Variants in CYP2A13 observed in about 807,000 individuals in gnomAD.
The protein encoded by CYP2A13 is cytochrome P450 2A13.
CYP2A13 carries 30 observed loss-of-function variants against 39.4 expected under a neutral mutation model. The ratio of observed to expected loss-of-function variants is 0.76; its 90% confidence interval spans 0.57 to 1.03. CYP2A13 has a LOEUF of 1.03. Among genes scored for constraint, CYP2A13 ranks in the 50% least tolerant of loss-of-function variants. CYP2A13 has a pLI of 0.00. For synonymous variants in CYP2A13, 269 were observed against 254.7 expected (o/e 1.06, Z -0.54); for missense variants, 731 against 648.4 (o/e 1.13, Z -1.38).
chr19:41,095,986 A>G lies in CYP2A13; in HGVS notation c.*45A>G, dbSNP rs1355421559. The G allele has an allele frequency of 8.6e-7, 1 of 1,165,052 alleles. No homozygotes were observed. The highest frequency in any genetic ancestry group is 1.2e-6 in the Non-Finnish European group (1 of 863,328). The allele number at this position is 1,165,052 out of a possible 1,614,324, so 72.2% of individuals were successfully genotyped here. Reference sequence around the variant, plus strand: ...AGGGCTGGTGGGCGGGGCCAGGGAAACGGCCGGGGCAGGGGCGGGGCTTGT... The same window carrying G: ...AGGGCTGGTGGGCGGGGCCAGGGAAGCGGCCGGGGCAGGGGCGGGGCTTGT... On this transcript the variant is annotated 3_prime_UTR_variant, in exon 9 of 9. Transcript: ENST00000330436.
chr19:41,095,501 T>C (rs1400378397), intron 8 of CYP2A13, among the ~76,000 whole-genome samples: 1 of 152,116 alleles, frequency 6.6e-6, no homozygotes, highest in Admixed American at 6.5e-5. Context: ...TCAAAACCCA[T>C]AGAACTGTAT....
In CYP2A13 at chr19:41,094,346, A is replaced by G. The variant is rs766429591; in HGVS notation, c.1075A>G (p.Ile359Val). 1.9e-6 allele frequency: 3 copies of G among 1,613,974 alleles called. No individual in the cohort carries two copies. The highest frequency in any genetic ancestry group is 2.5e-6 in the Non-Finnish European group (3 of 1,180,006). The part of the protein sequence containing the change: ...MPYTEAVIHE[I>V]QRFGDMLPMG... ...CTACACAGAGGCAGTGATCCACGAGATCCAAAGATTTGGAGACATGCTCCC... is the reference window on the plus strand; with the variant it reads ...CTACACAGAGGCAGTGATCCACGAGGTCCAAAGATTTGGAGACATGCTCCC... Residue 359 changes from isoleucine (I) to valine (V), a missense_variant, in exon 7 of 9, where the codon ATC (isoleucine) becomes GTC (valine). Coordinates refer to ENST00000330436, the MANE Select transcript of CYP2A13 (RefSeq NM_000766.5).
At chr19:41,091,982 G>C in intron 5 of CYP2A13, 74 bp downstream of exon 5, 11 of 1,583,000 alleles carry the variant, frequency 6.9e-6, no homozygotes, top group Non-Finnish European at 9.5e-6. Flanking sequence ...GGGGTGGGCA[G>C]ACGACACAGG....
chr19:41,093,624 C>T lies in CYP2A13; in HGVS notation c.832-6C>T, dbSNP rs951158194. The T allele has an allele frequency of 6.2e-7, 1 of 1,614,094 alleles. No homozygotes were observed. Among genetic ancestry groups the T allele is most frequent in the Non-Finnish European group, 8.5e-7 (1 of 1,179,972 alleles). On this transcript the variant is annotated splice_region_variant and splice_polypyrimidine_tract_variant and intron_variant, in intron 5 of 8. Transcript: ENST00000330436. ...GAGCTTGGTCTAAACCGCCCTCTCCCTGCAGGAGGAGAAGAACCCCAACAC... is the reference window on the plus strand; with the variant it reads ...GAGCTTGGTCTAAACCGCCCTCTCCTTGCAGGAGGAGAAGAACCCCAACAC...
chr19:41,096,108 T>A lies in CYP2A13; in HGVS notation c.*167T>A, dbSNP rs1281993265. On this transcript the variant is annotated 3_prime_UTR_variant, in exon 9 of 9. Transcript: ENST00000330436. ...ACAGAAGGGGCTCAGTTCACCTTGA[T>A]GATGTCCTTCAGAGCTGTGATGAGA... The A allele has an allele frequency of 9.9e-7, 1 of 1,011,846 alleles. No homozygotes were observed. The highest frequency in any genetic ancestry group is 2.6e-5 in the Admixed American group (1 of 38,646). The allele number at this position is 1,011,846 out of a possible 1,614,324, so 62.7% of individuals were successfully genotyped here.
At position 41,095,922 on chromosome 19, in the gene CYP2A13, T is replaced by C; in HGVS notation, c.1466T>C (p.Met489Thr). 1.2e-6 allele frequency: 2 copies of C among 1,605,400 alleles called. No homozygotes were observed. The highest frequency in any genetic ancestry group is 1.7e-6 in the Non-Finnish European group (2 of 1,176,022). ...GFATIPRNYT[M>T]SFLPR is the part of the protein sequence containing the mutation. ...GCCACGATCCCACGAAACTACACCA[T>C]GAGCTTCCTGCCCCGCTGAGCGAGG... Residue 489 changes from methionine to threonine, a missense_variant, in exon 9 of 9, where the codon ATG becomes ACG. Met to Thr is a moderately conservative substitution (Grantham distance 81). Transcript: ENST00000330436.
chr19:41,093,735 G>C lies in CYP2A13; in HGVS notation c.937G>C (p.Gly313Arg), dbSNP rs566665410. 6.2e-7 allele frequency: 1 copy of C among 1,614,022 alleles called. No homozygotes were observed. Among genetic ancestry groups the C allele is most frequent in the Non-Finnish European group, 8.5e-7 (1 of 1,180,002 alleles). ...TETVSTTLRY[G>R]FLLLMKHPEV... ...GACCGTGAGCACCACCCTGCGCTAC[G>C]GTTTCCTGCTGCTCATGAAGCACCC... The change falls in exon 6 of 9, where the codon GGT (glycine) becomes CGT (arginine). Residue 313 changes from glycine to arginine, a missense_variant. By Grantham distance (125) the Gly-to-Arg change is moderately radical. Coordinates refer to ENST00000330436, the MANE Select transcript of CYP2A13 (RefSeq NM_000766.5).
Position 41,093,730 on chromosome 19 carries a change from G to C in CYP2A13, c.932G>C (p.Arg311Pro). 6.2e-7 allele frequency: 1 copy of C among 1,613,992 alleles called. No individual in the cohort carries two copies. The highest frequency in any genetic ancestry group is 8.5e-7 in the Non-Finnish European group (1 of 1,180,006). The change falls in exon 6 of 9, where the codon CGC becomes CCC. Residue 311 changes from arginine to proline, a missense_variant. Arg to Pro is a moderately radical substitution (Grantham distance 103, BLOSUM62 -2). Coordinates refer to ENST00000330436, the MANE Select transcript of CYP2A13 (RefSeq NM_000766.5). Reference sequence around the variant, plus strand: ...ACTGAGACCGTGAGCACCACCCTGCGCTACGGTTTCCTGCTGCTCATGAAG... The same window carrying C: ...ACTGAGACCGTGAGCACCACCCTGCCCTACGGTTTCCTGCTGCTCATGAAG... ...AGTETVSTTL[R>P]YGFLLLMKHP... is the part of the protein sequence containing the mutation.
chr19:41,089,859 TCTCTCTCTCTCTCG>T (rs2031139180), intron 2 of CYP2A13, among the ~76,000 whole-genome samples, 174 bp from the exon 3 acceptor site: 5 of 103,710 alleles, frequency 4.8e-5, no homozygotes, highest in African/African-American at 1.9e-4. Context: ...TCTCTCTCTC[TCTCTCTCTCTCTCG>T]TGCTCTCGTG....
rs1312821957 is a variant in CYP2A13, at chr19:41,088,983, G to C, written c.235G>C (p.Val79Leu). 2 of 1,613,952 alleles carry C rather than the reference G, an allele frequency of 1.2e-6. No individual in the cohort carries two copies. The highest frequency in any genetic ancestry group is 2.2e-5 in the South Asian group (2 of 91,076). The change falls in exon 2 of 9, where the codon GTG becomes CTG. Residue 79 changes from valine (V) to leucine (L), a missense_variant. Physicochemically the swap from Val to Leu is conservative, Grantham distance 32. Coordinates refer to ENST00000330436, the MANE Select transcript of CYP2A13 (RefSeq NM_000766.5). The part of the protein sequence containing the change: ...FTIHLGPRRV[V>L]VLCGHDAVKE... ...CATTCACTTGGGGCCCCGGCGGGTCGTGGTGCTGTGCGGACATGATGCCGT... is the reference window on the plus strand; with the variant it reads ...CATTCACTTGGGGCCCCGGCGGGTCCTGGTGCTGTGCGGACATGATGCCGT...
At position 41,094,960 on chromosome 19, in the gene CYP2A13, G is replaced by A. The variant is rs748853854; in HGVS notation, c.1163G>A (p.Gly388Asp). The A allele has an allele frequency of 1.7e-5, 28 of 1,613,848 alleles. No homozygotes were observed. The South Asian group carries it at 2.6e-4, about 15-fold the overall frequency. Reference sequence around the variant, plus strand: ...ACACACCTTCCTCCTCCCTCCCAGGGCACTGAAGTGTTCCCTATGCTGGGC... The same window carrying A: ...ACACACCTTCCTCCTCCCTCCCAGGACACTGAAGTGTTCCCTATGCTGGGC... The part of the protein sequence containing the change: ...TKFRDFFLPK[G>D]TEVFPMLGSV... Residue 388 changes from glycine (G) to aspartate (D), a missense_variant and splice_region_variant, in exon 8 of 9, where the codon GGC (glycine) becomes GAC (aspartate). By Grantham distance (94) the Gly-to-Asp change is moderately conservative. Coordinates refer to ENST00000330436, the MANE Select transcript of CYP2A13 (RefSeq NM_000766.5).
chr19:41,089,196 C>A, intron 2 of CYP2A13, 105 bp downstream of exon 2: 1 of 1,548,126 alleles, frequency 6.5e-7, no homozygotes, highest in Non-Finnish European at 8.7e-7. Flanking sequence ...TATGGCAGAG[C>A]CCCCTGTCTG....
At chr19:41,093,200 G>A (rs780052269) in intron 5 of CYP2A13, among the ~76,000 whole-genome samples, 3 of 149,978 alleles carry the variant, frequency 2.0e-5, no homozygotes, top group Non-Finnish European at 3.0e-5. Flanking sequence ...GAATAAGACC[G>A]TGTCTCAAAA....
rs770011815 is a variant in CYP2A13, at chr19:41,095,049, G to A, written c.1252G>A (p.Asp418Asn). The A allele has an allele frequency of 1.7e-5, 28 of 1,613,960 alleles. No individual in the cohort carries two copies. Among genetic ancestry groups the A allele is most frequent in the South Asian group, 4.4e-5 (4 of 91,078 alleles). Residue 418 changes from aspartate (D) to asparagine (N), a missense_variant, in exon 8 of 9, where the codon GAT (aspartate) becomes AAT (asparagine). By Grantham distance (23) the Asp-to-Asn change is conservative. Coordinates refer to ENST00000330436, the MANE Select transcript of CYP2A13 (RefSeq NM_000766.5). ...PRDFNPQHFL[D>N]KKGQFKKSDA... Reference sequence around the variant, plus strand: ...GGACTTCAATCCCCAGCACTTCCTGGATAAGAAGGGGCAGTTTAAGAAGAG... The same window carrying A: ...GGACTTCAATCCCCAGCACTTCCTGAATAAGAAGGGGCAGTTTAAGAAGAG...
chr19:41,093,679 C>A lies in CYP2A13; in HGVS notation c.881C>A (p.Thr294Asn), dbSNP rs375247458. Residue 294 changes from threonine to asparagine, a missense_variant, in exon 6 of 9, where the codon ACC becomes AAC. Physicochemically the swap from Thr to Asn is moderately conservative, Grantham distance 65. Transcript: ENST00000330436. ...TEFYLKNLVM[T>N]TLNLFFAGTE... The stretch of plus-strand genomic sequence containing the variant: ...TTCTACTTGAAGAACCTGGTGATGA[C>A]CACCCTGAACCTCTTCTTTGCGGGC... The A allele has an allele frequency of 6.2e-7, 1 of 1,614,144 alleles. No individual in the cohort carries two copies. Among genetic ancestry groups the A allele is most frequent in the Admixed American group, 1.7e-5 (1 of 60,018 alleles).
At chr19:41,093,866 CCT>C (rs1292088847) in intron 6 of CYP2A13, 95 bp downstream of exon 6, 133 of 1,437,986 alleles carry the variant, frequency 9.2e-5, no homozygotes, top group Non-Finnish European at 1.2e-4. Context: ...ATCCCAGGAC[CCT>C]GAGACGTGCC....
chr19:41,089,967 T>C, intron 2 of CYP2A13, 80 bp from the exon 3 acceptor site: 3 of 1,441,552 alleles, frequency 2.1e-6, no homozygotes, highest in Non-Finnish European at 2.8e-6. Context: ...TGCTCCACCC[T>C]TGGGGAGCCC....
intron 3 of CYP2A13, 79 bp from the exon 4 acceptor site, chr19:41,090,325 C>T: frequency 6.2e-7 from 1 of 1,602,158 alleles, no homozygotes; most frequent in East Asian, 2.2e-5. Context: ...CAACAGGGCC[C>T]TGCCTCCTGG....
intron 3 of CYP2A13, 52 bp from the exon 4 acceptor site, chr19:41,090,352 A>C: frequency 6.2e-7 from 1 of 1,612,080 alleles, no homozygotes; most frequent in South Asian, 1.1e-5. Flanking sequence ...GACTCTCCTC[A>C]GACCTCTGAG....
Sources: gnomAD v4.1 joint callset for allele counts (sites outside exome capture counted in the v4.1 genomes callset) on GRCh38, gnomAD v4.1.1 for gene constraint, MANE v1.5 for transcripts, NCBI Gene and HGNC (gene_info 2026-07-23, HGNC 2026-07-21) for gene names.